Variants in DOC2B observed in about 807,000 individuals in gnomAD.
The protein encoded by DOC2B is double C2-like domain-containing protein beta.
A neutral mutation model predicts 28.9 loss-of-function variants in DOC2B; 21 were observed. That is an observed-to-expected ratio of 0.73 (90% CI 0.52 to 1.05). DOC2B has a LOEUF of 1.05. DOC2B is among the 50% of genes least tolerant of loss of function. The probability of loss-of-function intolerance (pLI) is 0.00; values close to 1 mark genes in which losing one functional copy is unlikely to be tolerated. For missense variants in DOC2B, 384 were observed against 421.1 expected, an observed-to-expected ratio of 0.91 and a Z score of 0.77; for synonymous variants, 194 against 178.1, an observed-to-expected ratio of 1.09 and a Z score of -0.71.
chr17:181,088 C>T lies in DOC2B; in HGVS notation c.373+19G>A. 1.6e-6 allele frequency: 2 copies of T among 1,236,452 alleles called. No individual in the cohort carries two copies. The highest frequency in any genetic ancestry group is 3.1e-5 in the South Asian group (1 of 31,844). The allele number at this position is 1,236,452 out of a possible 1,614,324, so 76.6% of individuals were successfully genotyped here. On this transcript the variant is annotated intron_variant, in intron 1 of 8. Coordinates refer to ENST00000613549, the MANE Select transcript of DOC2B (RefSeq NM_003585.5). This position sits in a 1 kb window ranked among gnomAD's most constrained non-coding sequence, Gnocchi z 7.0. ...CGAGCCAGGGGAGGGGGCGCGAAGTCGGCGCGTGGGAAACTTACTGCAGTC... is the reference window on the plus strand; with the variant it reads ...CGAGCCAGGGGAGGGGGCGCGAAGTTGGCGCGTGGGAAACTTACTGCAGTC...
intron 3 of DOC2B, among the ~76,000 whole-genome samples, chr17:163,269 G>C (rs2040225243): frequency 6.6e-6 from 1 of 152,110 alleles, no homozygotes; most frequent in East Asian, 1.9e-4. Flanking sequence ...TGCAGCATAA[G>C]GGCATCAAGA....
In DOC2B at chr17:162,031, G is replaced by A. The variant is rs758275978; in HGVS notation, c.638+50C>T. 1.8e-5 allele frequency: 24 copies of A among 1,313,684 alleles called. 1 individual carries two copies. The South Asian group carries it at 2.9e-4, about 16-fold the overall frequency. The allele number at this position is 1,313,684 out of a possible 1,614,324, so 81.4% of individuals were successfully genotyped here. On this transcript the variant is annotated intron_variant, in intron 4 of 8. Transcript: ENST00000613549. Reference sequence around the variant, plus strand: ...TCCTGCCTTCATTAGGAAAAGCCGGGTGGGAGTAGGGGTTGGGGAGGGAGC... The same window carrying A: ...TCCTGCCTTCATTAGGAAAAGCCGGATGGGAGTAGGGGTTGGGGAGGGAGC...
At chr17:157,934 G>A (rs1232043478) in intron 5 of DOC2B, among the ~76,000 whole-genome samples, 1 of 152,208 alleles carries the variant, frequency 6.6e-6, no homozygotes, top group Non-Finnish European at 1.5e-5. Context: ...ATGGAGCCTG[G>A]TGGATGGAAA....
intron 1 of DOC2B, among the ~76,000 whole-genome samples, chr17:179,033 T>A (rs2040402224): frequency 6.6e-6 from 1 of 152,144 alleles, no homozygotes; most frequent in Non-Finnish European, 1.5e-5. Flanking sequence ...TCCCATAGGA[T>A]CCAAGCCTAG....
At chr17:153,838 C>T (rs1219517819) in intron 6 of DOC2B, among the ~76,000 whole-genome samples, 4 of 152,016 alleles carry the variant, frequency 2.6e-5, no homozygotes, top group African/African-American at 7.3e-5. Flanking sequence ...CTGTGTGTGT[C>T]GTTTGTTGTG....
At chr17:162,958 C>T (rs113552025) in intron 3 of DOC2B, among the ~76,000 whole-genome samples, 19 of 152,302 alleles carry the variant, frequency 1.2e-4, no homozygotes, top group South Asian at 4.1e-4. Flanking sequence ...TTGTCTGAAT[C>T]GGTCTGATGC....
chr17:155,173 A>G (rs2223138), intron 6 of DOC2B, among the ~76,000 whole-genome samples: 125,508 of 152,072 alleles, frequency 0.83, 52,033 homozygotes, highest in East Asian at 0.86. Flanking sequence ...TAATTTTTTT[A>G]TAGAGATGGA....
intron 3 of DOC2B, chr17:163,881 C>T (rs2040231635): frequency 2.2e-6 from 1 of 445,968 alleles, no homozygotes; most frequent in Admixed American, 3.5e-5. Context: ...TTCCCCAGAT[C>T]AGCAGGTAGG....
At chr17:172,386 A>G in intron 2 of DOC2B, 151 bp downstream of exon 2, 1 of 574,078 alleles carries the variant, frequency 1.7e-6, no homozygotes, top group Non-Finnish European at 3.0e-6. Flanking sequence ...AGGTTTAAAG[A>G]AGAATTCCTT....
chr17:177,527 C>T (rs1359378330), intron 1 of DOC2B, among the ~76,000 whole-genome samples: 1 of 152,262 alleles, frequency 6.6e-6, no homozygotes, highest in Admixed American at 6.5e-5. Flanking sequence ...CCTCCTCCCT[C>T]CTCCCAGTCT....
In DOC2B at chr17:181,183, ACCCGGGCTGGGG is replaced by A. The variant is rs977248255; in HGVS notation, c.285_296del (p.Gly99_Pro102del). On this transcript the variant is annotated inframe_deletion, in exon 1 of 9. Transcript: ENST00000613549. The surrounding 1 kb of genome is among the most constrained non-coding windows in gnomAD (Gnocchi z 7.0). The stretch of plus-strand genomic sequence containing the variant: ...TGGCTGGCGGCCGCGCGGGGCTGGG[ACCCGGGCTGGGG>A]CCCGGGCTGGAGCCGTAGGCTCCGA... 6.4e-5 allele frequency: 79 copies of A among 1,243,720 alleles called. No homozygotes were observed. Among genetic ancestry groups the A allele is most frequent in the Non-Finnish European group, 7.5e-5 (75 of 994,832 alleles). 77.0% of individuals were successfully genotyped at this position (1,243,720 alleles called of 1,614,324 possible). A position where few individuals can be genotyped will look rare whatever the true frequency, so the allele number is the denominator to read the frequency against.
intron 6 of DOC2B, among the ~76,000 whole-genome samples, chr17:155,449 T>G (rs2040123979): frequency 6.6e-6 from 1 of 152,132 alleles, no homozygotes; most frequent in African/African-American, 2.4e-5. Context: ...GGGCCATCCC[T>G]CTGTCATTCC....
Position 172,635 on chromosome 17 carries a change from A to C in DOC2B, c.374-19T>G. The C allele has an allele frequency of 6.5e-7, 1 of 1,545,098 alleles. No homozygotes were observed. Among genetic ancestry groups the C allele is most frequent in the Non-Finnish European group, 8.7e-7 (1 of 1,142,950 alleles). The stretch of plus-strand genomic sequence containing the variant: ...AGGGCAGCTGCGGACAGAGGAGGGC[A>C]CAGGTCCCACCCTGGCCGCATCTTG... On this transcript the variant is annotated intron_variant, in intron 1 of 8. Transcript: ENST00000613549.
chr17:174,260 G>A (rs967720858), intron 1 of DOC2B, among the ~76,000 whole-genome samples: 5 of 152,186 alleles, frequency 3.3e-5, no homozygotes, highest in Non-Finnish European at 7.3e-5. Flanking sequence ...AAATCCCAGC[G>A]TGCACTTCCC....
chr17:174,759 C>T (rs1343011818), intron 1 of DOC2B, among the ~76,000 whole-genome samples: 1 of 152,182 alleles, frequency 6.6e-6, no homozygotes, highest in African/African-American at 2.4e-5. Context: ...CTCACCTATT[C>T]AATAATTGTT....
chr17:180,820 G>A (rs1010459696), intron 1 of DOC2B, among the ~76,000 whole-genome samples: 1 of 151,986 alleles, frequency 6.6e-6, no homozygotes, highest in African/African-American at 2.4e-5. Context: ...CAGGGAGGGG[G>A]CGCGGCGCCG....
Position 149,164 on chromosome 17 carries a change from A to T in DOC2B, c.952T>A (p.Ser318Thr), listed in dbSNP as rs1457603101. ...TTCTTCACCGCTGTCTTATGTTTGG[A>T]TTTCTTGTCCACATCTGGCCTCAGG... ...TYLRPDVDKK[S>T]KHKTAVKKKT... Residue 318 changes from serine (S) to threonine (T), a missense_variant, in exon 7 of 9, where the codon TCC (serine) becomes ACC (threonine). By Grantham distance (58) the Ser-to-Thr change is moderately conservative. Transcript: ENST00000613549. 5.0e-6 allele frequency: 2 copies of T among 399,660 alleles called. No homozygotes were observed. The highest frequency in any genetic ancestry group is 2.1e-5 in the African/African-American group (1 of 48,450). 24.8% of individuals were successfully genotyped at this position (399,660 alleles called of 1,614,324 possible). A position where few individuals can be genotyped will look rare whatever the true frequency, so the allele number is the denominator to read the frequency against.
rs1013345010 is a variant in DOC2B at position 162,265 on chromosome 17, C to T, written c.529-75G>A. 17 of 1,087,770 alleles carry T rather than the reference C, an allele frequency of 1.6e-5. No homozygotes were observed. The Admixed American group carries it at 2.2e-4, about 14-fold the overall frequency. 67.4% of individuals were successfully genotyped at this position (1,087,770 alleles called of 1,614,324 possible). ...GAACAATGGCCCCCAGAGATGGCCA[C>T]GTGCTCATCTTGGAGCCTGTGAATG... On this transcript the variant is annotated intron_variant, in intron 3 of 8. Coordinates refer to ENST00000613549, the MANE Select transcript of DOC2B (RefSeq NM_003585.5).
At chr17:174,126 G>A (rs964109528) in intron 1 of DOC2B, among the ~76,000 whole-genome samples, 2 of 152,182 alleles carry the variant, frequency 1.3e-5, no homozygotes, top group Admixed American at 1.3e-4. Context: ...CCTTTATTCT[G>A]AGCTGGTGAT....
Sources: allele counts gnomAD v4.1 joint callset (sites outside exome capture counted in the v4.1 genomes callset), GRCh38; gene constraint gnomAD v4.1.1; non-coding constraint Gnocchi (gnomAD v3.1); transcripts MANE v1.5; gene names NCBI Gene and HGNC (gene_info 2026-07-23, HGNC 2026-07-21).